Variants in SLC25A26 observed in about 807,000 individuals in gnomAD.
SLC25A26 encodes solute carrier family 25 member 26.
A neutral mutation model predicts 37.8 loss-of-function variants in SLC25A26; 36 were observed. The observed-to-expected ratio is 0.95, with a 90% CI of 0.73 to 1.26. SLC25A26 has a LOEUF of 1.26. Ranked by LOEUF, SLC25A26 falls within the 50% of genes most tolerant of loss-of-function variation. The probability of loss-of-function intolerance (pLI) is 0.00; values close to 1 mark genes in which losing one functional copy is unlikely to be tolerated. For synonymous variants in SLC25A26, 129 were observed against 122.5 expected, an observed-to-expected ratio of 1.05 and a Z score of -0.35; for missense variants, 390 against 331.1, an observed-to-expected ratio of 1.18 and a Z score of -1.38.
intron 1 of SLC25A26, among the ~76,000 whole-genome samples, chr3:66,206,705 CTTT>C (rs1315135962): frequency 3.0e-5 from 4 of 132,874 alleles, no homozygotes; most frequent in Admixed American, 7.7e-5. Flanking sequence ...CTTACAGGTT[CTTT>C]TTTTTTTTTT....
At chr3:66,208,449 A>G (rs1349577620) in intron 1 of SLC25A26, among the ~76,000 whole-genome samples, 3 of 151,878 alleles carry the variant, frequency 2.0e-5, no homozygotes, top group Non-Finnish European at 4.4e-5. Context: ...TGCCACATGG[A>G]TTTCACATGC....
intron 1 of SLC25A26, among the ~76,000 whole-genome samples, chr3:66,192,797 G>T (rs971359202): frequency 6.6e-6 from 1 of 152,122 alleles, no homozygotes; most frequent in Non-Finnish European, 1.5e-5. Context: ...TAAAATGTCA[G>T]TGGGTTAACA....
At chr3:66,360,757 G>A (rs2076687572) in intron 6 of SLC25A26, among the ~76,000 whole-genome samples, 1 of 152,134 alleles carries the variant, frequency 6.6e-6, no homozygotes, top group Admixed American at 6.5e-5. Context: ...AACAAAAGAA[G>A]GCCTTAGTCA....
intron 1 of SLC25A26, among the ~76,000 whole-genome samples, chr3:66,137,282 G>A (rs536059744): frequency 2.0e-5 from 3 of 148,224 alleles, no homozygotes; most frequent in East Asian, 4.0e-4. Context: ...GTGCAATGGC[G>A]CGATCTCAAA....
At chr3:66,310,354 A>T (rs896581145) in intron 5 of SLC25A26, among the ~76,000 whole-genome samples, 6 of 152,140 alleles carry the variant, frequency 3.9e-5, no homozygotes, top group South Asian at 4.1e-4. Context: ...TTGGCTTGGT[A>T]AATATTCCTC....
At chr3:66,203,069 A>G (rs1559574813) in intron 1 of SLC25A26, among the ~76,000 whole-genome samples, 3 of 152,292 alleles carry the variant, frequency 2.0e-5, no homozygotes, top group Admixed American at 2.0e-4. Flanking sequence ...TAATTTCTAG[A>G]TTCGTAACTA....
chr3:66,222,095 C>T (rs186984341), intron 1 of SLC25A26, among the ~76,000 whole-genome samples: 12 of 151,972 alleles, frequency 7.9e-5, no homozygotes, highest in Admixed American at 5.2e-4. Flanking sequence ...ATGTCTTAGC[C>T]AGACTTGTAG....
chr3:66,290,140 C>T (rs1284923539), intron 5 of SLC25A26, among the ~76,000 whole-genome samples: 1 of 152,136 alleles, frequency 6.6e-6, no homozygotes, highest in Non-Finnish European at 1.5e-5. Context: ...TATGGAAATG[C>T]TTGTGATTTT....
intron 5 of SLC25A26, among the ~76,000 whole-genome samples, chr3:66,309,220 T>G (rs1485754455): frequency 6.6e-6 from 1 of 152,230 alleles, no homozygotes; most frequent in Non-Finnish European, 1.5e-5. Context: ...GGGATTCGAC[T>G]TCTTCCTGGT....
intron 5 of SLC25A26, among the ~76,000 whole-genome samples, chr3:66,269,828 C>A (rs1478012593): frequency 6.6e-6 from 1 of 151,978 alleles, no homozygotes; most frequent in Non-Finnish European, 1.5e-5. Flanking sequence ...TTTGATTTAC[C>A]TTGTTCTCTT....
chr3:66,194,992 A>C (rs1034718061), intron 1 of SLC25A26, among the ~76,000 whole-genome samples: 20 of 152,300 alleles, frequency 1.3e-4, no homozygotes, highest in African/African-American at 4.8e-4. Flanking sequence ...TTGGTGGGGA[A>C]GGGAGGGAGG....
At chr3:66,334,516 A>G (rs940264226) in intron 5 of SLC25A26, among the ~76,000 whole-genome samples, 4 of 151,916 alleles carry the variant, frequency 2.6e-5, no homozygotes, top group Admixed American at 6.6e-5. Context: ...AGATTTTGCT[A>G]TGTTGGCCAG....
intron 6 of SLC25A26, among the ~76,000 whole-genome samples, chr3:66,357,770 A>G (rs1012600981): frequency 6.6e-6 from 1 of 152,198 alleles, no homozygotes; most frequent in African/African-American, 2.4e-5. Flanking sequence ...ATTAACTTCA[A>G]AATATTTAAT....
intron 1 of SLC25A26, among the ~76,000 whole-genome samples, chr3:66,137,640 A>G (rs1469773152): frequency 1.3e-5 from 2 of 152,112 alleles, no homozygotes; most frequent in Non-Finnish European, 2.9e-5. Context: ...ATGGCCTAAG[A>G]CACTCATAGA....
upstream of SLC25A26, among the ~76,000 whole-genome samples, chr3:66,220,582 G>T (rs1026138514): frequency 1.3e-5 from 2 of 152,146 alleles, no homozygotes; most frequent in African/African-American, 2.4e-5. Flanking sequence ...TTCTGATAAT[G>T]AGTTAATTTA....
At chr3:66,189,014 C>A (rs1357828399) in intron 1 of SLC25A26, among the ~76,000 whole-genome samples, 2 of 152,112 alleles carry the variant, frequency 1.3e-5, no homozygotes, top group African/African-American at 4.8e-5. Context: ...TCCCAACTCA[C>A]ATCTGGATAC....
intron 5 of SLC25A26, among the ~76,000 whole-genome samples, chr3:66,311,648 G>C (rs940803671): frequency 1.3e-5 from 2 of 152,000 alleles, no homozygotes; most frequent in African/African-American, 4.8e-5. Flanking sequence ...GATCTTTGAC[G>C]CGGATGACTT....
At chr3:66,185,236 A>T (rs2070803486) in intron 1 of SLC25A26, among the ~76,000 whole-genome samples, 1 of 152,174 alleles carries the variant, frequency 6.6e-6, no homozygotes, top group Non-Finnish European at 1.5e-5. Context: ...GGATCATTTC[A>T]CTTAGTATAA....
intron 6 of SLC25A26, among the ~76,000 whole-genome samples, chr3:66,361,093 A>G (rs1283601062): frequency 6.6e-6 from 1 of 152,252 alleles, no homozygotes; most frequent in Non-Finnish European, 1.5e-5. Context: ...AGACCCACAC[A>G]TATGTGGACA....
Sources: gnomAD v4.1 joint callset for allele counts (sites outside exome capture counted in the v4.1 genomes callset) on GRCh38, gnomAD v4.1.1 for gene constraint, MANE v1.5 for transcripts, NCBI Gene and HGNC (gene_info 2026-07-23, HGNC 2026-07-21) for gene names.